Variants in ATF6 observed in about 807,000 individuals in gnomAD.
ATF6 encodes cyclic AMP-dependent transcription factor ATF-6 alpha.
Under a neutral mutation model 83.6 loss-of-function variants are expected in ATF6, and 53 were observed. The observed-to-expected ratio is 0.63, with a 90% confidence interval of 0.51 to 0.80. ATF6 has a LOEUF of 0.80. Among genes scored for constraint, ATF6 ranks in the 30% least tolerant of loss-of-function variants. The pLI is 0.00. For synonymous variants in ATF6, 288 were observed against 285.8 expected (o/e 1.01, Z -0.08); for missense variants, 744 against 797.9 (o/e 0.93, Z 0.81).
intron 14 of ATF6, among the ~76,000 whole-genome samples, chr1:161,871,360 A>T (rs777973707): frequency 1.3e-5 from 2 of 151,606 alleles, no homozygotes; most frequent in African/African-American, 2.4e-5. Context: ...GGGAGGTGGG[A>T]GAGGAGCAGA....
chr1:161,827,906 G>T (rs147934016), intron 9 of ATF6, among the ~76,000 whole-genome samples: 32 of 151,518 alleles, frequency 2.1e-4, no homozygotes, highest in African/African-American at 7.3e-4. Flanking sequence ...GGATAGTAAA[G>T]AAGTCATCTA....
In ATF6 at chr1:161,958,740, G is replaced by T. The variant is rs1006665959; in HGVS notation, c.*86G>T. On this transcript the variant is annotated 3_prime_UTR_variant, in exon 16 of 16. Transcript: ENST00000367942. The stretch of plus-strand genomic sequence containing the variant: ...GCAAAATGCTGCTTTCTGCCTTGGT[G>T]GCAGGCAGAGAACTGTCTCGTACTA... The T allele has an allele frequency of 1.7e-6, 2 of 1,159,658 alleles. No homozygotes were observed. The highest frequency in any genetic ancestry group is 2.4e-6 in the Non-Finnish European group (2 of 829,038). The allele number at this position is 1,159,658 out of a possible 1,614,324, so 71.8% of individuals were successfully genotyped here. A position where few individuals can be genotyped will look rare whatever the true frequency, so the allele number is the denominator to read the frequency against.
intron 15 of ATF6, among the ~76,000 whole-genome samples, chr1:161,939,019 A>G (rs993273245): frequency 3.9e-5 from 6 of 152,180 alleles, no homozygotes; most frequent in African/African-American, 1.2e-4. Context: ...TGTTCTCTCT[A>G]TAACCCACTC....
At chr1:161,892,628 C>CTTTTTT (rs773642361) in intron 14 of ATF6, among the ~76,000 whole-genome samples, 47 of 124,670 alleles carry the variant, frequency 3.8e-4, no homozygotes, top group African/African-American at 9.5e-4. Context: ...ACAGGTCATT[C>CTTTTTT]TTTTTTTTTT....
intron 9 of ATF6, among the ~76,000 whole-genome samples, chr1:161,835,424 G>A (rs1043923364): frequency 1.3e-5 from 2 of 152,160 alleles, no homozygotes; most frequent in African/African-American, 2.4e-5. Context: ...GATAGGGTAG[G>A]TCAAAGGCAT....
chr1:161,846,694 G>T, intron 10 of ATF6, 114 bp downstream of exon 10: 1 of 1,066,448 alleles, frequency 9.4e-7, no homozygotes. Flanking sequence ...TTGAGTAGTA[G>T]AACACATAAA....
At chr1:161,903,606 T>TA (rs1487553346) in intron 14 of ATF6, among the ~76,000 whole-genome samples, 1 of 152,146 alleles carries the variant, frequency 6.6e-6, no homozygotes, top group African/African-American at 2.4e-5. Context: ...GTCCCTTTTT[T>TA]TAAAAAAAAA....
chr1:161,785,601 C>G (rs1401838179), intron 4 of ATF6, among the ~76,000 whole-genome samples: 2 of 152,058 alleles, frequency 1.3e-5, no homozygotes, highest in African/African-American at 2.4e-5. Flanking sequence ...TTTCCAGACC[C>G]AATTAACCTG....
chr1:161,775,351 C>G (rs909478934), intron 1 of ATF6, among the ~76,000 whole-genome samples: 1 of 152,170 alleles, frequency 6.6e-6, no homozygotes, highest in Non-Finnish European at 1.5e-5. Flanking sequence ...AAACCTCTAA[C>G]CACGAGCCCT....
intron 7 of ATF6, among the ~76,000 whole-genome samples, chr1:161,813,500 G>A (rs1685526047): frequency 6.6e-6 from 1 of 152,142 alleles, no homozygotes. Context: ...AGTAAGAAAT[G>A]TATTTAACCT....
Position 161,918,023 on chromosome 1 carries a change from A to G in ATF6, c.1804+5643A>G, listed in dbSNP as rs938325494. On this transcript the variant is annotated intron_variant, in intron 15 of 15. Coordinates refer to ENST00000367942, the MANE Select transcript of ATF6 (RefSeq NM_007348.4). ...TCTAATTAATTATATTGTTAATTCA[A>G]TATTAAAGACAGATGTGCAAGGATT... Among the ~76,000 whole-genome samples the G allele has an allele frequency of 7.9e-5, 12 of 152,208 alleles. 1 individual carries two copies. The highest frequency in any genetic ancestry group is 2.6e-4 in the Admixed American group (4 of 15,288).
intron 7 of ATF6, among the ~76,000 whole-genome samples, chr1:161,814,281 G>A (rs996548057): frequency 1.3e-5 from 2 of 152,212 alleles, no homozygotes; most frequent in African/African-American, 4.8e-5. Flanking sequence ...CTGTGTTCAG[G>A]ACTTGGGTCC....
At chr1:161,855,844 C>T (rs1328590011) in intron 12 of ATF6, among the ~76,000 whole-genome samples, 1 of 152,198 alleles carries the variant, frequency 6.6e-6, no homozygotes, top group Admixed American at 6.5e-5. Context: ...AATTGACCAT[C>T]AGAACTTGTT....
intron 14 of ATF6, among the ~76,000 whole-genome samples, chr1:161,863,575 A>C (rs940348956): frequency 2.0e-5 from 3 of 152,212 alleles, no homozygotes; most frequent in Non-Finnish European, 2.9e-5. Flanking sequence ...TATTGTTTGT[A>C]ATCCTGATAG....
At chr1:161,812,606 A>T (rs1036489159) in intron 7 of ATF6, among the ~76,000 whole-genome samples, 2 of 151,142 alleles carry the variant, frequency 1.3e-5, no homozygotes, top group Admixed American at 1.3e-4. Flanking sequence ...TTTAGCCGGG[A>T]TGGTCTCGAT....
At chr1:161,855,905 C>A (rs960667915) in intron 12 of ATF6, among the ~76,000 whole-genome samples, 7 of 152,224 alleles carry the variant, frequency 4.6e-5, no homozygotes, top group African/African-American at 1.4e-4. Flanking sequence ...CAAAAGCCAA[C>A]TGAAGTGGAT....
chr1:161,816,317 G>T (rs1685611900), intron 7 of ATF6, among the ~76,000 whole-genome samples: 1 of 152,210 alleles, frequency 6.6e-6, no homozygotes. Flanking sequence ...TGGCTAATGG[G>T]TCAGAGTATT....
At chr1:161,781,508 C>T (rs185000849) in intron 2 of ATF6, among the ~76,000 whole-genome samples, 1 of 152,068 alleles carries the variant, frequency 6.6e-6, no homozygotes, top group African/African-American at 2.4e-5. Flanking sequence ...TATATTCTTT[C>T]TATTGTATAT....
intron 13 of ATF6, among the ~76,000 whole-genome samples, chr1:161,861,336 C>T (rs924298217): frequency 1.3e-5 from 2 of 152,028 alleles, no homozygotes; most frequent in African/African-American, 4.8e-5. Context: ...AAGTCAAAAG[C>T]TATTTTATTC....
Sources: gnomAD v4.1 joint callset for allele counts (sites outside exome capture counted in the v4.1 genomes callset) on GRCh38, gnomAD v4.1.1 for gene constraint, MANE v1.5 for transcripts, NCBI Gene and HGNC (gene_info 2026-07-23, HGNC 2026-07-21) for gene names.